The following FHIT variants were observed in gnomAD, a reference collection of about 807,000 sequenced individuals.
The protein encoded by FHIT is fragile histidine triad diadenosine triphosphatase, also known as bis(5'-adenosyl)-triphosphatase.
FHIT carries 19 observed loss-of-function variants against 17.9 expected under a neutral mutation model. The ratio of observed to expected loss-of-function variants is 1.06; its 90% CI spans 0.74 to 1.56. FHIT has a LOEUF of 1.56. Among genes scored for constraint, FHIT ranks in the 40% most tolerant of loss-of-function variants. FHIT has a pLI of 0.00. For synonymous variants in FHIT, 81 were observed against 69.7 expected, an observed-to-expected ratio of 1.16 and a Z score of -0.81; for missense variants, 248 against 189.2, an observed-to-expected ratio of 1.31 and a Z score of -1.82.
intron 4 of FHIT, among the ~76,000 whole-genome samples, chr3:60,799,603 G>A (rs1351092430): frequency 4.6e-5 from 7 of 152,122 alleles, no homozygotes; most frequent in African/African-American, 1.4e-4. Context: ...ACATATTGAG[G>A]CATTTCTTGC....
At chr3:60,389,463 T>C (rs2107146069) in intron 5 of FHIT, among the ~76,000 whole-genome samples, 1 of 152,304 alleles carries the variant, frequency 6.6e-6, no homozygotes, top group South Asian at 2.1e-4. Context: ...TCCTCACACG[T>C]AGGCTTTCTG....
chr3:60,118,096 T>C (rs755840832), intron 5 of FHIT, among the ~76,000 whole-genome samples: 2 of 152,166 alleles, frequency 1.3e-5, no homozygotes, highest in Non-Finnish European at 2.9e-5. Flanking sequence ...AGCAAGGTGT[T>C]ATAATGTATT....
intron 3 of FHIT, among the ~76,000 whole-genome samples, chr3:61,031,266 C>T (rs936097153): frequency 2.5e-4 from 38 of 152,250 alleles, no homozygotes; most frequent in African/African-American, 8.4e-4. Flanking sequence ...AAATTTATCA[C>T]TGTAAAATTC....
intron 3 of FHIT, among the ~76,000 whole-genome samples, chr3:60,972,937 G>A (rs1710084019): frequency 1.3e-5 from 2 of 151,944 alleles, no homozygotes; most frequent in African/African-American, 4.8e-5. Context: ...CTAGATCTCT[G>A]GTGAAATTCT....
intron 4 of FHIT, among the ~76,000 whole-genome samples, chr3:60,743,872 C>G (rs782257315): frequency 6.6e-6 from 1 of 152,164 alleles, no homozygotes; most frequent in Non-Finnish European, 1.5e-5. Flanking sequence ...CAGCTCAGCT[C>G]GCTCTGTTTG....
At chr3:59,887,585 C>T (rs911778962) in intron 8 of FHIT, among the ~76,000 whole-genome samples, 2 of 152,156 alleles carry the variant, frequency 1.3e-5, no homozygotes, top group Non-Finnish European at 2.9e-5. Context: ...CCAGATTGCT[C>T]ATCTTCATAT....
At chr3:60,102,312 A>T (rs1704227120) in intron 5 of FHIT, among the ~76,000 whole-genome samples, 1 of 152,254 alleles carries the variant, frequency 6.6e-6, no homozygotes, top group Non-Finnish European at 1.5e-5. Flanking sequence ...TGCATTGCAC[A>T]GAAGTCCAGT....
intron 7 of FHIT, among the ~76,000 whole-genome samples, chr3:59,986,578 C>CACACATATAT (rs1553641641): frequency 2.6e-4 from 15 of 58,356 alleles, no homozygotes; most frequent in South Asian, 1.7e-3. Context: ...CATATATACA[C>CACACATATAT]ACACACACAC....
Position 60,860,579 on chromosome 3 carries a change from C to T in FHIT, c.-110-38568G>A, listed in dbSNP as rs782446993. ...TATCATATATCAGGTATATATGATACATATGTATCATATATCAGGTATATA... is the reference window on the plus strand; with the variant it reads ...TATCATATATCAGGTATATATGATATATATGTATCATATATCAGGTATATA... On this transcript the variant is annotated intron_variant, in intron 3 of 9. Coordinates refer to ENST00000492590, the MANE Select transcript of FHIT (RefSeq NM_002012.4). Among the ~76,000 whole-genome samples the T allele has an allele frequency of 4.6e-3, 286 of 62,484 alleles. 2 individuals are homozygous for T. The highest frequency in any genetic ancestry group is 0.083 in the Middle Eastern group (2 of 24). 41.0% of individuals were successfully genotyped at this position (62,484 alleles called of 152,430 possible). A position where few individuals can be genotyped will look rare whatever the true frequency, so the allele number is the denominator to read the frequency against.
rs142033543 is a variant in FHIT, at chr3:60,561,590, G to A, written c.-17-24611C>T. ...GCCCAATTCTTCTCACAGAAATGAA[G>A]AAAAAGTTCAGGCCATTATCCAGGA... On this transcript the variant is annotated intron_variant, in intron 4 of 9. Transcript: ENST00000492590. Among the ~76,000 whole-genome samples the A allele has an allele frequency of 6.8e-4, 104 of 152,192 alleles. No homozygotes were observed. The East Asian group carries it at 0.014, about 20-fold the overall frequency.
rs376976577 is a variant in FHIT, at chr3:60,033,315, G to C, written c.104-19163C>G. 2.6e-4 allele frequency among the ~76,000 whole-genome samples: 40 copies of C among 152,176 alleles called. No homozygotes were observed. In the East Asian group the frequency reaches 7.0e-3, roughly 27 times the overall value. ...GTTCAAGACAAGCCTGACCAACATG[G>C]AGAAACCCCGTCTCTACTAAAAATA... is the stretch of plus-strand genomic sequence containing the variant. On this transcript the variant is annotated intron_variant, in intron 5 of 9. Coordinates refer to ENST00000492590, the MANE Select transcript of FHIT (RefSeq NM_002012.4).
At chr3:60,481,943 A>C in intron 5 of FHIT, among the ~76,000 whole-genome samples, 1 of 152,186 alleles carries the variant, frequency 6.6e-6, no homozygotes, top group East Asian at 1.9e-4. Flanking sequence ...CTCACACACA[A>C]AGACACAAAT....
At chr3:60,546,298 T>A (rs779984277) in intron 4 of FHIT, among the ~76,000 whole-genome samples, 16 of 152,186 alleles carry the variant, frequency 1.1e-4, no homozygotes, top group Non-Finnish European at 2.2e-4. Context: ...CCCATGAGTA[T>A]GAAAATTACA....
At chr3:60,000,035 C>T (rs1347919909) in intron 7 of FHIT, among the ~76,000 whole-genome samples, 6 of 152,190 alleles carry the variant, frequency 3.9e-5, no homozygotes, top group Non-Finnish European at 2.9e-5. Context: ...ATCTGTTTTG[C>T]TCTGAGGCAT....
chr3:60,463,843 T>G (rs1298331754), intron 5 of FHIT, among the ~76,000 whole-genome samples: 4 of 152,208 alleles, frequency 2.6e-5, no homozygotes, highest in Non-Finnish European at 5.9e-5. Context: ...GTGGTAAGAT[T>G]AAATAATTGG....
intron 4 of FHIT, among the ~76,000 whole-genome samples, chr3:60,653,544 T>C (rs1553688866): frequency 6.6e-6 from 1 of 151,930 alleles, no homozygotes; most frequent in Non-Finnish European, 1.5e-5. Flanking sequence ...AGAGATTGCA[T>C]GGTAAAATTC....
chr3:59,842,117 G>T (rs903855318), intron 8 of FHIT, among the ~76,000 whole-genome samples: 1 of 152,032 alleles, frequency 6.6e-6, no homozygotes, highest in Non-Finnish European at 1.5e-5. Context: ...GTCCATGAGG[G>T]TTGACAAATC....
chr3:60,675,999 A>C (rs1221395191), intron 4 of FHIT, among the ~76,000 whole-genome samples: 1 of 152,342 alleles, frequency 6.6e-6, no homozygotes, highest in Non-Finnish European at 1.5e-5. Flanking sequence ...ACAGATAAAC[A>C]ATCCAAACAA....
chr3:60,217,484 C>G (rs1406826239), intron 5 of FHIT, among the ~76,000 whole-genome samples: 1 of 152,206 alleles, frequency 6.6e-6, no homozygotes, highest in East Asian at 1.9e-4. Flanking sequence ...CTACTTCAGT[C>G]TATTCTCCAT....
Sources: gnomAD v4.1 joint callset for allele counts (sites outside exome capture counted in the v4.1 genomes callset) on GRCh38, gnomAD v4.1.1 for gene constraint, MANE v1.5 for transcripts, NCBI Gene and HGNC (gene_info 2026-07-23, HGNC 2026-07-21) for gene names.